The following GART variants were observed in gnomAD, a reference collection of about 807,000 sequenced individuals.
GART encodes the protein phosphoribosylglycinamide formyltransferase, phosphoribosylglycinamide synthetase, phosphoribosylaminoimidazole synthetase.
In GART, 43 loss-of-function variants were observed where a neutral mutation model predicts 107.2. The ratio of observed to expected loss-of-function variants is 0.40; its 90% CI spans 0.31 to 0.52. The LOEUF (loss-of-function observed/expected upper bound fraction) is 0.52. Ranked by LOEUF, GART falls within the 20% of genes least tolerant of loss-of-function variation. GART has a pLI of 0.52. For synonymous variants in GART, 434 were observed against 427.0 expected (o/e 1.02, Z -0.20); for missense variants, 1,107 against 1,206.5 (o/e 0.92, Z 1.22).
At chr21:33,527,210 GGTT>G (rs2085089824) in intron 10 of GART, among the ~76,000 whole-genome samples, 1 of 152,094 alleles carries the variant, frequency 6.6e-6, no homozygotes, top group Admixed American at 6.6e-5. Context: ...CAGTTTATGG[GGTT>G]GTTGAATTAA....
chr21:33,507,789 G>A (rs551810903), intron 18 of GART, among the ~76,000 whole-genome samples: 5 of 152,150 alleles, frequency 3.3e-5, no homozygotes, highest in South Asian at 2.1e-4. Context: ...CCGAGTCTGC[G>A]CCACTGCACT....
intron 16 of GART, among the ~76,000 whole-genome samples, chr21:33,516,770 T>C (rs1411946731): frequency 1.3e-5 from 2 of 152,218 alleles, no homozygotes; most frequent in Admixed American, 1.3e-4. Context: ...ACTTCAACTT[T>C]ATGTAAGCCA....
rs548538312 is a variant in GART, at chr21:33,534,671, C to T, written c.324G>A (p.Arg108=). Residue 108 remains arginine (R), a synonymous_variant, in exon 4 of 22, where the codon AGG becomes AGA. Coordinates refer to ENST00000381815, the MANE Select transcript of GART (RefSeq NM_000819.5). The stretch of plus-strand genomic sequence containing the variant: ...GTCTGTCCATAAACTCTTTGGCAAA[C>T]CTTTTGCTGGACTCTAACTGAGCCG... The part of the protein sequence containing the change: ...AEAAQLESSK[R]FAKEFMDRHG... 7.4e-6 allele frequency: 12 copies of T among 1,613,778 alleles called. No homozygotes were observed. In the African/African-American group the frequency reaches 1.1e-4, roughly 14 times the overall value.
Position 33,504,084 on chromosome 21 carries a change from A to C in GART, c.*40T>G. The C allele has an allele frequency of 6.5e-7, 1 of 1,537,774 alleles. No individual in the cohort carries two copies. The highest frequency in any genetic ancestry group is 8.8e-7 in the Non-Finnish European group (1 of 1,139,634). ...AAAAACCACCATGCAAACAGCAAAT[A>C]ATTCTTTCTAAACTGGCCCCATTTC... On this transcript the variant is annotated 3_prime_UTR_variant, in exon 22 of 22. Transcript: ENST00000381815.
chr21:33,534,129 A>G (rs2085254562), intron 4 of GART, among the ~76,000 whole-genome samples: 1 of 152,204 alleles, frequency 6.6e-6, no homozygotes, highest in African/African-American at 2.4e-5. Flanking sequence ...ATTTATTGAG[A>G]AAGTTTTTTC....
chr21:33,516,978 A>C lies in GART; in HGVS notation c.2107+11T>G. On this transcript the variant is annotated intron_variant, in intron 16 of 21. Transcript: ENST00000381815. ...AATTTTCTGAACAGAAGTTCGTTTT[A>C]GTGATCTTACCTAAATCTACCCCAA... 1 of 1,583,124 alleles carries C rather than the reference A, an allele frequency of 6.3e-7. No individual in the cohort carries two copies. Among genetic ancestry groups the C allele is most frequent in the Non-Finnish European group, 8.5e-7 (1 of 1,170,714 alleles).
At chr21:33,512,247 G>A (rs2084797235) in intron 16 of GART, among the ~76,000 whole-genome samples, 1 of 130,340 alleles carries the variant, frequency 7.7e-6, no homozygotes, top group African/African-American at 2.9e-5. Flanking sequence ...TGGTACCACT[G>A]CACTCTAGCC....
chr21:33,526,340 G>T (rs1237932162), intron 10 of GART, among the ~76,000 whole-genome samples: 1 of 151,370 alleles, frequency 6.6e-6, no homozygotes, highest in Non-Finnish European at 1.5e-5. Flanking sequence ...TTGGCTAATT[G>T]TTTTTGTATT....
At chr21:33,531,640 T>A (rs966856520) in intron 5 of GART, 83 bp from the exon 6 acceptor site, 1 of 1,276,470 alleles carries the variant, frequency 7.8e-7, no homozygotes, top group Non-Finnish European at 1.1e-6. Flanking sequence ...TTTAGCATTA[T>A]CCAGCATTTG....
chr21:33,538,242 A>C (rs922866946), intron 2 of GART, among the ~76,000 whole-genome samples: 2 of 20,194 alleles, frequency 9.9e-5, no homozygotes, highest in African/African-American at 4.2e-4. Context: ...ACTCTGTCTC[A>C]AAAAAAAAAA....
intron 10 of GART, among the ~76,000 whole-genome samples, chr21:33,526,557 C>T (rs1264624852): frequency 6.6e-6 from 1 of 151,388 alleles, no homozygotes; most frequent in Non-Finnish European, 1.5e-5. Context: ...TTAACCAGAT[C>T]ATGAGACTTA....
intron 18 of GART, among the ~76,000 whole-genome samples, chr21:33,506,559 C>T (rs866597512): frequency 3.9e-5 from 6 of 152,238 alleles, no homozygotes; most frequent in Middle Eastern, 6.8e-3. Flanking sequence ...TTTCTCTTGG[C>T]ACAGGCAACT....
intron 1 of GART, among the ~76,000 whole-genome samples, 181 bp from the exon 2 acceptor site, chr21:33,539,537 A>G (rs370125547): frequency 3.9e-4 from 59 of 152,222 alleles, no homozygotes; most frequent in African/African-American, 1.3e-3. Context: ...CTACTAAAAT[A>G]CAAAAATTAG....
intron 2 of GART, among the ~76,000 whole-genome samples, chr21:33,537,592 G>A (rs1473910450): frequency 6.6e-6 from 1 of 152,204 alleles, no homozygotes; most frequent in Non-Finnish European, 1.5e-5. Flanking sequence ...CTTGCTTTTA[G>A]TAAGAAACTG....
At chr21:33,506,380 G>C (rs1235499988) in intron 18 of GART, among the ~76,000 whole-genome samples, 1 of 152,130 alleles carries the variant, frequency 6.6e-6, no homozygotes, top group Non-Finnish European at 1.5e-5. Flanking sequence ...CTGACATCAG[G>C]TGATCCGCCC....
At chr21:33,509,487 C>A in intron 18 of GART, 1 of 251,916 alleles carries the variant, frequency 4.0e-6, no homozygotes, top group Non-Finnish European at 7.5e-6. Context: ...AAAAATTCCT[C>A]AACTGTTTTC....
chr21:33,513,105 C>CTGTGTG (rs3057407), intron 16 of GART, among the ~76,000 whole-genome samples: 13 of 144,656 alleles, frequency 9.0e-5, no homozygotes, highest in African/African-American at 1.8e-4. Context: ...GTGTGTGTCT[C>CTGTGTG]TGTGTGTGTG....
chr21:33,534,778 G>A, intron 3 of GART, 25 bp from the exon 4 acceptor site: 2 of 1,528,568 alleles, frequency 1.3e-6, no homozygotes, highest in Non-Finnish European at 8.7e-7. Context: ...AGTAGCCTTA[G>A]GTGAACCAAG....
rs1275022643 is a variant in GART, at chr21:33,528,576, G to C, written c.840C>G (p.Thr280=). ...TGILYAGIML[T]KNGPKVLEFN... Reference sequence around the variant, plus strand: ...ACTCTAGAACTTTTGGGCCATTCTTGGTCAGCATTATTCCAGCATAGAGAA... The same window carrying C: ...ACTCTAGAACTTTTGGGCCATTCTTCGTCAGCATTATTCCAGCATAGAGAA... Residue 280 remains threonine (T), a synonymous_variant, in exon 9 of 22, where the codon ACC becomes ACG. Coordinates refer to ENST00000381815, the MANE Select transcript of GART (RefSeq NM_000819.5). The C allele has an allele frequency of 4.4e-6, 7 of 1,604,270 alleles. No homozygotes were observed. In the South Asian group the frequency reaches 7.8e-5, roughly 18 times the overall value.
Sources: gnomAD v4.1 joint callset for allele counts (sites outside exome capture counted in the v4.1 genomes callset) on GRCh38, gnomAD v4.1.1 for gene constraint, MANE v1.5 for transcripts, NCBI Gene and HGNC (gene_info 2026-07-23, HGNC 2026-07-21) for gene names.